The following AGBL1 variants were observed in gnomAD, a reference collection of about 807,000 sequenced individuals.
AGBL1 encodes cytosolic carboxypeptidase 4.
A neutral mutation model predicts 118.9 loss-of-function variants in AGBL1; 130 were observed. The ratio of observed to expected loss-of-function variants is 1.09; its 90% CI spans 0.95 to 1.26. The LOEUF is 1.26. AGBL1 is among the 50% of genes most tolerant of loss of function. The pLI, the probability that AGBL1 is intolerant of heterozygous loss-of-function variation, is 0.00. For synonymous variants in AGBL1, 555 were observed against 478.9 expected (o/e 1.16, Z -2.08); for missense variants, 1,584 against 1,298.1 (o/e 1.22, Z -3.38).
chr15:86,631,469 CA>C (rs1199290599), intron 21 of AGBL1, among the ~76,000 whole-genome samples: 1 of 152,108 alleles, frequency 6.6e-6, no homozygotes, highest in Non-Finnish European at 1.5e-5. Context: ...TGTGACTTGC[CA>C]AGAGTCAAGT....
chr15:86,727,274 C>T (rs1261703986), intron 22 of AGBL1, among the ~76,000 whole-genome samples: 1 of 152,118 alleles, frequency 6.6e-6, no homozygotes, highest in Non-Finnish European at 1.5e-5. Flanking sequence ...AAAATTCAGA[C>T]TTAGGGAGAC....
At chr15:86,264,940 G>A (rs1005945184) in intron 11 of AGBL1, 102 bp downstream of exon 11, 2 of 1,113,500 alleles carry the variant, frequency 1.8e-6, no homozygotes, top group South Asian at 1.9e-5. Flanking sequence ...AGGAAAGAGA[G>A]CATTAATCAG....
intron 23 of AGBL1, among the ~76,000 whole-genome samples, chr15:86,941,959 C>G (rs1226611677): frequency 6.6e-6 from 1 of 152,110 alleles, no homozygotes; most frequent in East Asian, 1.9e-4. Context: ...TTCAACAAGG[C>G]AGTAAAAAGG....
At chr15:86,433,637 T>C (rs1324596749) in intron 18 of AGBL1, among the ~76,000 whole-genome samples, 1 of 152,162 alleles carries the variant, frequency 6.6e-6, no homozygotes, top group South Asian at 2.1e-4. Context: ...AACTCTGGCA[T>C]GCACTGTGTG....
chr15:86,307,768 AAC>A (rs1368972695), intron 17 of AGBL1, among the ~76,000 whole-genome samples: 1 of 152,154 alleles, frequency 6.6e-6, no homozygotes, highest in Non-Finnish European at 1.5e-5. Context: ...TAATCAGACA[AAC>A]AGTTTTGTTT....
intron 22 of AGBL1, among the ~76,000 whole-genome samples, chr15:86,676,667 C>A (rs910914328): frequency 1.3e-5 from 2 of 152,158 alleles, no homozygotes; most frequent in African/African-American, 2.4e-5. Flanking sequence ...AGACCTCTAC[C>A]ACCCTCCTCT....
chr15:86,721,581 T>C (rs2086722048), intron 22 of AGBL1, among the ~76,000 whole-genome samples: 2 of 152,312 alleles, frequency 1.3e-5, no homozygotes, highest in East Asian at 1.9e-4. Flanking sequence ...AAGTATTCCC[T>C]TTGAAAACTG....
At chr15:86,846,063 G>A (rs2079312880) in intron 22 of AGBL1, among the ~76,000 whole-genome samples, 1 of 152,130 alleles carries the variant, frequency 6.6e-6, no homozygotes, top group Middle Eastern at 3.2e-3. Context: ...TAGCCAGCCT[G>A]GTAGTCTTTT....
At chr15:86,774,138 G>C (rs1004164304) in intron 22 of AGBL1, among the ~76,000 whole-genome samples, 4 of 152,098 alleles carry the variant, frequency 2.6e-5, no homozygotes, top group African/African-American at 9.7e-5. Context: ...AGAAATTAGA[G>C]TGATGTGCAC....
intron 5 of AGBL1, among the ~76,000 whole-genome samples, chr15:86,178,791 T>C (rs1443273034): frequency 6.6e-6 from 1 of 152,190 alleles, no homozygotes; most frequent in African/African-American, 2.4e-5. Context: ...GAAGGAAAAC[T>C]TCCAACCAAT....
chr15:86,759,916 A>G (rs1201415217), intron 22 of AGBL1, among the ~76,000 whole-genome samples: 1 of 152,110 alleles, frequency 6.6e-6, no homozygotes, highest in East Asian at 1.9e-4. Context: ...AGCAGAGTAA[A>G]GGCAGGCATT....
At chr15:86,845,004 T>C (rs1245404299) in intron 22 of AGBL1, among the ~76,000 whole-genome samples, 1 of 152,148 alleles carries the variant, frequency 6.6e-6, no homozygotes, top group Non-Finnish European at 1.5e-5. Context: ...TAAGCATATA[T>C]GTAAGAATTT....
At chr15:86,775,234 A>T (rs908248996) in intron 22 of AGBL1, among the ~76,000 whole-genome samples, 3 of 152,184 alleles carry the variant, frequency 2.0e-5, no homozygotes, top group Non-Finnish European at 4.4e-5. Flanking sequence ...ACAGAAAGTG[A>T]TGGTGGCTCA....
At chr15:86,647,653 A>G (rs914755027) in intron 21 of AGBL1, among the ~76,000 whole-genome samples, 2 of 152,214 alleles carry the variant, frequency 1.3e-5, no homozygotes, top group African/African-American at 4.8e-5. Context: ...GTGAGCCGAA[A>G]TCACACTACT....
At chr15:86,180,761 C>T (rs551846904) in intron 5 of AGBL1, among the ~76,000 whole-genome samples, 1 of 151,878 alleles carries the variant, frequency 6.6e-6, no homozygotes, top group South Asian at 2.1e-4. Context: ...ACAATATTTG[C>T]CAATCATGTA....
At chr15:86,617,518 T>G (rs528967618) in intron 21 of AGBL1, among the ~76,000 whole-genome samples, 92 of 152,310 alleles carry the variant, frequency 6.0e-4, no homozygotes, top group African/African-American at 2.1e-3. Flanking sequence ...ATTCTGTAAT[T>G]TATGATGAGT....
chr15:86,371,801 C>G (rs1025936509), intron 17 of AGBL1, among the ~76,000 whole-genome samples: 1 of 152,172 alleles, frequency 6.6e-6, no homozygotes, highest in African/African-American at 2.4e-5. Context: ...GGCAACAACG[C>G]TGCCTCTTTC....
At chr15:87,004,053 A>G (rs562111301) in intron 24 of AGBL1, among the ~76,000 whole-genome samples, 1 of 152,024 alleles carries the variant, frequency 6.6e-6, no homozygotes, top group African/African-American at 2.4e-5. Flanking sequence ...TTCAATTGTG[A>G]TGTTAGGGTA....
chr15:86,661,704 A>C (rs2142517491), intron 21 of AGBL1, among the ~76,000 whole-genome samples: 1 of 152,172 alleles, frequency 6.6e-6, no homozygotes, highest in East Asian at 1.9e-4. Flanking sequence ...GAGCAAGCAA[A>C]CAGTCCCCAG....
Sources: allele counts gnomAD v4.1 joint callset (sites outside exome capture counted in the v4.1 genomes callset), GRCh38; gene constraint gnomAD v4.1.1; transcripts MANE v1.5; gene names NCBI Gene and HGNC (gene_info 2026-07-23, HGNC 2026-07-21).